CHST6: variants seen among roughly 807,000 people sequenced by gnomAD.
CHST6 encodes the protein N-acetylglucosamine 6-O-sulfotransferase 5.
For missense variants in CHST6, 698 were observed against 586.2 expected (o/e 1.19, Z -1.97); for synonymous variants, 309 against 276.4 (o/e 1.12, Z -1.17).
chr16:75,491,712 T>G (rs778295990), intron 1 of CHST6, among the ~76,000 whole-genome samples: 1 of 152,184 alleles, frequency 6.6e-6, no homozygotes, highest in Non-Finnish European at 1.5e-5. Flanking sequence ...ATTTTCCAGA[T>G]AGTCTACATC....
rs948311243 is a variant in CHST6, at chr16:75,474,890, G to A, written c.*3751C>T. On this transcript the variant is annotated 3_prime_UTR_variant, in exon 3 of 3. Coordinates refer to ENST00000332272, the MANE Select transcript of CHST6 (RefSeq NM_021615.5). ...AGCTCACTGCAATCTCTGCCTCCTG[G>A]GTTCAAGCGATTCTCCTGTCTCAGC... 7.8e-6 allele frequency: 3 copies of A among 384,998 alleles called. No individual in the cohort carries two copies. The highest frequency in any genetic ancestry group is 1.4e-5 in the Non-Finnish European group (3 of 217,936). The allele number at this position is 384,998 out of a possible 1,614,324, so 23.8% of individuals were successfully genotyped here. A position where few individuals can be genotyped will look rare whatever the true frequency, so the allele number is the denominator to read the frequency against.
chr16:75,493,970 A>G (rs1181746476), intron 1 of CHST6, among the ~76,000 whole-genome samples: 5 of 152,172 alleles, frequency 3.3e-5, no homozygotes, highest in Non-Finnish European at 4.4e-5. Context: ...TCAGCCTCCC[A>G]AGTAGCTGGG....
At chr16:75,485,210 C>A (rs1314914782) in intron 1 of CHST6, among the ~76,000 whole-genome samples, 1 of 152,208 alleles carries the variant, frequency 6.6e-6, no homozygotes. Context: ...GCACCCTAAG[C>A]AGTGGTCCTT....
At chr16:75,492,917 G>A (rs924747922) in intron 1 of CHST6, among the ~76,000 whole-genome samples, 1 of 151,922 alleles carries the variant, frequency 6.6e-6, no homozygotes, top group Admixed American at 6.6e-5. Flanking sequence ...GACCTTGTGT[G>A]GATTCTGATT....
rs1473968096 is a variant in CHST6 at position 75,479,071 on chromosome 16, G to C, written c.758C>G (p.Ala253Gly). The C allele has an allele frequency of 6.2e-7, 1 of 1,606,274 alleles. No individual in the cohort carries two copies. Among genetic ancestry groups the C allele is most frequent in the Non-Finnish European group, 8.5e-7 (1 of 1,179,438 alleles). ...REVCRSHVRI[A>G]EAATLKPPPF... ...TGGCGGCTTGAGTGTGGCGGCCTCG[G>C]CGATGCGTACGTGGCTACGGCACAC... is the stretch of plus-strand genomic sequence containing the variant. The change falls in exon 3 of 3, where the codon GCC becomes GGC. Residue 253 changes from alanine (A) to glycine (G), a missense_variant. Coordinates refer to ENST00000332272, the MANE Select transcript of CHST6 (RefSeq NM_021615.5).
At chr16:75,487,077 C>A (rs1455230732) in intron 1 of CHST6, among the ~76,000 whole-genome samples, 1 of 152,214 alleles carries the variant, frequency 6.6e-6, no homozygotes, top group Non-Finnish European at 1.5e-5. Flanking sequence ...TGAACAAATA[C>A]TTGCCATTGC....
chr16:75,484,096 G>A (rs944111612), intron 1 of CHST6, among the ~76,000 whole-genome samples: 9 of 152,160 alleles, frequency 5.9e-5, no homozygotes, highest in African/African-American at 1.9e-4. Flanking sequence ...CCAGCACTTC[G>A]GGAGGCTGAG....
rs371203628 is a variant in CHST6 at position 75,483,073 on chromosome 16, G to A, written c.-91-1182C>T. Among the ~76,000 whole-genome samples the A allele has an allele frequency of 4.0e-3, 611 of 152,332 alleles. 2 individuals are homozygous for A. Among genetic ancestry groups the A allele is most frequent in the Middle Eastern group, 6.8e-3 (2 of 294 alleles). On this transcript the variant is annotated intron_variant, in intron 1 of 2. Transcript: ENST00000332272. ...AGTGCTAGGTGCTTCAAGTCCACGCGATGACTTAACTCAACGGGCCCTGAG... is the reference window on the plus strand; with the variant it reads ...AGTGCTAGGTGCTTCAAGTCCACGCAATGACTTAACTCAACGGGCCCTGAG...
At chr16:75,493,954 T>C (rs2080283596) in intron 1 of CHST6, among the ~76,000 whole-genome samples, 2 of 152,268 alleles carry the variant, frequency 1.3e-5, no homozygotes, top group African/African-American at 2.4e-5. Context: ...AAGTGATTCT[T>C]CTGCCTCAGC....
rs964380503 is a variant in CHST6, at chr16:75,473,167, G to A, written c.*5474C>T. On this transcript the variant is annotated 3_prime_UTR_variant, in exon 3 of 3. Transcript: ENST00000332272. The stretch of plus-strand genomic sequence containing the variant: ...CACTTTTATTGCTCCTAAAGTCTTC[G>A]ACTTGGCCGCAGTGCTGGGCTCAGC... The A allele has an allele frequency of 6.6e-6, 1 of 152,278 alleles. No individual in the cohort carries two copies. Among genetic ancestry groups the A allele is most frequent in the African/African-American group, 2.4e-5 (1 of 41,448 alleles). The allele number at this position is 152,278 out of a possible 1,614,324, so 9.4% of individuals were successfully genotyped here.
rs1055161856 is a variant in CHST6, at chr16:75,491,454, C to G, written c.-92+3486G>C. Among the ~76,000 whole-genome samples the G allele has an allele frequency of 1.5e-4, 23 of 151,912 alleles. 1 individual carries two copies. Among genetic ancestry groups the G allele is most frequent in the Admixed American group, 9.2e-4 (14 of 15,240 alleles). The stretch of plus-strand genomic sequence containing the variant: ...GCACGATCTCGGCTTACTGCAAACT[C>G]TGCCTCCCAGGTTCATGCCATTCTC... On this transcript the variant is annotated intron_variant, in intron 1 of 2. Coordinates refer to ENST00000332272, the MANE Select transcript of CHST6 (RefSeq NM_021615.5).
chr16:75,494,695 G>C (rs1439290145), intron 1 of CHST6, among the ~76,000 whole-genome samples: 3 of 152,214 alleles, frequency 2.0e-5, no homozygotes, highest in Non-Finnish European at 4.4e-5. Context: ...CGAGACAAAA[G>C]GGGTTCTCCC....
Position 75,473,674 on chromosome 16 carries a change from A to G in CHST6, c.*4967T>C, listed in dbSNP as rs538848030. On this transcript the variant is annotated 3_prime_UTR_variant, in exon 3 of 3. Transcript: ENST00000332272. The stretch of plus-strand genomic sequence containing the variant: ...GTGGTACCAGAGGCTGCTGCAGACA[A>G]ATCCTGTTGCATCAGCTTCCTCTCG... The G allele has an allele frequency of 6.6e-6, 1 of 152,120 alleles. No individual in the cohort carries two copies. The highest frequency in any genetic ancestry group is 1.5e-5 in the Non-Finnish European group (1 of 68,020). The allele number at this position is 152,120 out of a possible 1,614,324, so 9.4% of individuals were successfully genotyped here. A position where few individuals can be genotyped will look rare whatever the true frequency, so the allele number is the denominator to read the frequency against.
intron 1 of CHST6, among the ~76,000 whole-genome samples, chr16:75,482,154 T>TC (rs1236639500): frequency 6.6e-6 from 1 of 151,942 alleles, no homozygotes; most frequent in Non-Finnish European, 1.5e-5. Flanking sequence ...CTGGGGAGTC[T>TC]CCCCCCAGAG....
In CHST6 at chr16:75,472,167, C is replaced by T. The variant is rs12051137; in HGVS notation, c.*6474G>A. 1 of 152,056 alleles carries T rather than the reference C, an allele frequency of 6.6e-6. No homozygotes were observed. Among genetic ancestry groups the T allele is most frequent in the African/African-American group, 2.4e-5 (1 of 41,404 alleles). 9.4% of individuals were successfully genotyped at this position (152,056 alleles called of 1,614,324 possible). A position where few individuals can be genotyped will look rare whatever the true frequency, so the allele number is the denominator to read the frequency against. ...CAACAATATGATAAACTAGGTGAAA[C>T]TTTTTGAAATTTGATTGTGATGAGG... is the stretch of plus-strand genomic sequence containing the variant. On this transcript the variant is annotated 3_prime_UTR_variant, in exon 3 of 3. Transcript: ENST00000332272.
chr16:75,493,333 A>G (rs1207082564), intron 1 of CHST6, among the ~76,000 whole-genome samples: 1 of 151,804 alleles, frequency 6.6e-6, no homozygotes, highest in Non-Finnish European at 1.5e-5. Context: ...ACATAGTGAA[A>G]CCCCATCTTT....
Position 75,476,986 on chromosome 16 carries a change from C to T in CHST6, c.*1655G>A, listed in dbSNP as rs2080072962. The T allele has an allele frequency of 6.6e-6, 1 of 152,180 alleles. No individual in the cohort carries two copies. The highest frequency in any genetic ancestry group is 1.5e-5 in the Non-Finnish European group (1 of 68,042). The allele number at this position is 152,180 out of a possible 1,614,324, so 9.4% of individuals were successfully genotyped here. A position where few individuals can be genotyped will look rare whatever the true frequency, so the allele number is the denominator to read the frequency against. On this transcript the variant is annotated 3_prime_UTR_variant, in exon 3 of 3. Transcript: ENST00000332272. ...CTTGAATGCCTGACCTCAGGTGATT[C>T]ATCCCCCTCGGCCTCCCACAGTGCT...
At chr16:75,493,205 G>C (rs1177959324) in intron 1 of CHST6, among the ~76,000 whole-genome samples, 2 of 151,770 alleles carry the variant, frequency 1.3e-5, no homozygotes, top group Non-Finnish European at 2.9e-5. Context: ...TTCTGTGCCT[G>C]CTTGGTTAAA....
chr16:75,488,172 T>TC (rs1483351738), intron 1 of CHST6, among the ~76,000 whole-genome samples: 2 of 152,036 alleles, frequency 1.3e-5, no homozygotes, highest in African/African-American at 4.8e-5. Flanking sequence ...TGTTCGAGAA[T>TC]CCCAAAGCCA....
Sources: allele counts gnomAD v4.1 joint callset (sites outside exome capture counted in the v4.1 genomes callset), GRCh38; gene constraint gnomAD v4.1.1; transcripts MANE v1.5; gene names NCBI Gene and HGNC (gene_info 2026-07-23, HGNC 2026-07-21).